The following PRDM6 variants were observed in gnomAD, a reference collection of about 807,000 sequenced individuals.
PRDM6 encodes the protein putative histone-lysine N-methyltransferase PRDM6.
Under a neutral mutation model 60.8 loss-of-function variants are expected in PRDM6, and 25 were observed. The observed-to-expected ratio is 0.41, with a 90% confidence interval of 0.30 to 0.57. The LOEUF (loss-of-function observed/expected upper bound fraction) is 0.57, where lower values mean the gene tolerates loss of function less well. Among genes scored for constraint, PRDM6 ranks in the 20% least tolerant of loss-of-function variants. The pLI, the probability that PRDM6 is intolerant of heterozygous loss-of-function variation, is 0.27. For synonymous variants in PRDM6, 407 were observed against 357.4 expected (o/e 1.14, Z -1.57); for missense variants, 839 against 821.3 (o/e 1.02, Z -0.26).
intron 3 of PRDM6, among the ~76,000 whole-genome samples, chr5:123,105,546 T>C (rs539614941): frequency 2.0e-5 from 3 of 152,356 alleles, no homozygotes; most frequent in African/African-American, 7.2e-5. Flanking sequence ...AAACTACACA[T>C]TACTCAGCTG....
At chr5:123,143,445 C>T (rs1765167090) in intron 3 of PRDM6, among the ~76,000 whole-genome samples, 1 of 152,178 alleles carries the variant, frequency 6.6e-6, no homozygotes, top group Non-Finnish European at 1.5e-5. Context: ...CAATGTGTAA[C>T]TAGGTGCCTT....
rs563704739 is a variant in PRDM6 at position 123,098,873 on chromosome 5, A to G, written c.593-781A>G. On this transcript the variant is annotated intron_variant, in intron 2 of 7. Transcript: ENST00000407847. ...CCGCCCTGCTTCAGTGCCTGGAGGGAGAACTGACTGGTCGCTTGAGGGACC... is the reference window on the plus strand; with the variant it reads ...CCGCCCTGCTTCAGTGCCTGGAGGGGGAACTGACTGGTCGCTTGAGGGACC... Among the ~76,000 whole-genome samples the G allele has an allele frequency of 1.4e-4, 15 of 109,226 alleles. No individual in the cohort carries two copies. In the East Asian group the frequency reaches 4.9e-3, roughly 35 times the overall value. The allele number at this position is 109,226 out of a possible 152,430, so 71.7% of individuals were successfully genotyped here. A position where few individuals can be genotyped will look rare whatever the true frequency, so the allele number is the denominator to read the frequency against.
intron 3 of PRDM6, among the ~76,000 whole-genome samples, chr5:123,137,407 C>A (rs547110776): frequency 6.6e-6 from 1 of 152,314 alleles, no homozygotes; most frequent in African/African-American, 2.4e-5. Flanking sequence ...AATTACTCAC[C>A]CTCTAGCACA....
chr5:123,140,645 C>A (rs1765075744), intron 3 of PRDM6, among the ~76,000 whole-genome samples: 1 of 152,168 alleles, frequency 6.6e-6, no homozygotes, highest in Non-Finnish European at 1.5e-5. Flanking sequence ...CAAATTCTTA[C>A]CTAATAAAAA....
At position 123,188,065 on chromosome 5, in the gene PRDM6, G is replaced by A. The variant is rs1270129307; in HGVS notation, c.*864G>A. Reference sequence around the variant, plus strand: ...TTTAAGGCTGGAGATAAGGTGTTAGGCTTCATTGTAATTTTTTTAGTTGTT... The same window carrying A: ...TTTAAGGCTGGAGATAAGGTGTTAGACTTCATTGTAATTTTTTTAGTTGTT... On this transcript the variant is annotated 3_prime_UTR_variant, in exon 8 of 8. Coordinates refer to ENST00000407847, the MANE Select transcript of PRDM6 (RefSeq NM_001136239.4). 6.6e-6 allele frequency: 1 copy of A among 152,026 alleles called. No individual in the cohort carries two copies. Among genetic ancestry groups the A allele is most frequent in the African/African-American group, 2.4e-5 (1 of 41,388 alleles). The allele number at this position is 152,026 out of a possible 1,614,324, so 9.4% of individuals were successfully genotyped here.
intron 3 of PRDM6, among the ~76,000 whole-genome samples, chr5:123,124,022 C>G (rs1481703686): frequency 6.6e-6 from 1 of 152,136 alleles, no homozygotes; most frequent in Non-Finnish European, 1.5e-5. Flanking sequence ...TGAGCAAGGG[C>G]AGGGAAGACA....
At chr5:123,154,424 T>C (rs1366233588) in intron 3 of PRDM6, among the ~76,000 whole-genome samples, 1 of 152,162 alleles carries the variant, frequency 6.6e-6, no homozygotes, top group Non-Finnish European at 1.5e-5. Context: ...TCTCAATTGT[T>C]TTTAACAGAT....
chr5:123,180,429 C>A, intron 7 of PRDM6, 106 bp downstream of exon 7: 1 of 1,162,038 alleles, frequency 8.6e-7, no homozygotes, highest in Non-Finnish European at 1.2e-6. Context: ...GCACAGGCTA[C>A]TTGGAAGGCC....
chr5:123,168,103 C>T (rs61406971), intron 5 of PRDM6, among the ~76,000 whole-genome samples: 1,558 of 152,278 alleles, frequency 0.01, 21 homozygotes, highest in African/African-American at 0.035. Context: ...TAAAAAGTAA[C>T]AATCTGTGTG....
intron 3 of PRDM6, among the ~76,000 whole-genome samples, chr5:123,135,831 T>C (rs533608802): frequency 6.6e-6 from 1 of 152,338 alleles, no homozygotes; most frequent in Non-Finnish European, 1.5e-5. Flanking sequence ...TTATCCATGA[T>C]ACACAAATAT....
chr5:123,159,655 G>A lies in PRDM6; in HGVS notation c.1153+17G>A. On this transcript the variant is annotated intron_variant, in intron 5 of 7. Transcript: ENST00000407847. ...ATGAAAACTGTAAGAATTTATTTTA[G>A]CTCTGAATTCACATTTCAATATACC... is the stretch of plus-strand genomic sequence containing the variant. The A allele has an allele frequency of 6.5e-7, 1 of 1,549,618 alleles. No individual in the cohort carries two copies. Among genetic ancestry groups the A allele is most frequent in the Non-Finnish European group, 8.7e-7 (1 of 1,145,962 alleles).
intron 5 of PRDM6, 131 bp downstream of exon 5, chr5:123,159,769 T>C: frequency 1.1e-6 from 1 of 885,064 alleles, no homozygotes; most frequent in Non-Finnish European, 1.7e-6. Flanking sequence ...TACAAGTCTA[T>C]TCCATCGTTT....
Position 123,170,903 on chromosome 5 carries a change from T to G in PRDM6, c.1291T>G (p.Ser431Ala), listed in dbSNP as rs1765875369. The change falls in exon 6 of 8, where the codon TCT (serine) becomes GCT (alanine). Residue 431 changes from serine to alanine, a missense_variant. Transcript: ENST00000407847. The stretch of plus-strand genomic sequence containing the variant: ...CCAGACTCCGTGCAGCAGGAACTTC[T>G]CTCTTCTGGATAAGTCTGGGCCCAT... The part of the protein sequence containing the change: ...FPQTPCSRNF[S>A]LLDKSGPIES... 1 of 1,552,146 alleles carries G rather than the reference T, an allele frequency of 6.4e-7. No homozygotes were observed. The highest frequency in any genetic ancestry group is 2.4e-5 in the East Asian group (1 of 40,924).
intron 3 of PRDM6, among the ~76,000 whole-genome samples, chr5:123,102,601 GAAT>G (rs1212232869): frequency 6.6e-6 from 1 of 151,958 alleles, no homozygotes; most frequent in Non-Finnish European, 1.5e-5. Flanking sequence ...ATGTCTTCCA[GAAT>G]AGCAAGTCAA....
At chr5:123,164,045 T>C (rs1439708463) in intron 5 of PRDM6, among the ~76,000 whole-genome samples, 1 of 152,114 alleles carries the variant, frequency 6.6e-6, no homozygotes, top group Non-Finnish European at 1.5e-5. Flanking sequence ...TGGTGACCTT[T>C]AGAAGATAAT....
intron 7 of PRDM6, among the ~76,000 whole-genome samples, chr5:123,182,825 T>TA (rs1766194101): frequency 6.6e-6 from 1 of 152,190 alleles, no homozygotes; most frequent in Admixed American, 6.5e-5. Flanking sequence ...TGTTTTTTTT[T>TA]ATTTTAATTT....
Position 123,090,554 on chromosome 5 carries a change from G to A in PRDM6, c.540G>A (p.Gln180=). 6.6e-7 allele frequency: 1 copy of A among 1,525,376 alleles called. No homozygotes were observed. Among genetic ancestry groups the A allele is most frequent in the East Asian group, 2.6e-5 (1 of 38,966 alleles). The allele number at this position is 1,525,376 out of a possible 1,614,324, so 94.5% of individuals were successfully genotyped here. A position where few individuals can be genotyped will look rare whatever the true frequency, so the allele number is the denominator to read the frequency against. The change falls in exon 2 of 8, where the codon CAG becomes CAA. Residue 180 remains glutamine (Q), a synonymous_variant. Coordinates refer to ENST00000407847, the MANE Select transcript of PRDM6 (RefSeq NM_001136239.4). ...AEELDYYLYG[Q]QRMEIIPLNQ... is the part of the protein sequence containing the mutation. ...AGCTGGACTATTACCTGTATGGCCA[G>A]CAGCGCATGGAGATCATCCCGCTCA...
intron 3 of PRDM6, among the ~76,000 whole-genome samples, chr5:123,148,325 C>T: frequency 6.6e-6 from 1 of 151,992 alleles, no homozygotes; most frequent in East Asian, 1.9e-4. Context: ...ATTACTTGAC[C>T]TTTGAAGCCA....
At chr5:123,139,534 T>A (rs1019032745) in intron 3 of PRDM6, among the ~76,000 whole-genome samples, 1 of 152,134 alleles carries the variant, frequency 6.6e-6, no homozygotes, top group Non-Finnish European at 1.5e-5. Flanking sequence ...GTGTGTATTT[T>A]AGCATATGGA....
Sources: allele counts gnomAD v4.1 joint callset (sites outside exome capture counted in the v4.1 genomes callset), GRCh38; gene constraint gnomAD v4.1.1; transcripts MANE v1.5; gene names NCBI Gene and HGNC (gene_info 2026-07-23, HGNC 2026-07-21).